ABCA2: variants seen among roughly 807,000 people sequenced by gnomAD.
ABCA2 encodes the protein ATP binding cassette subfamily A member 2.
ABCA2 carries 84 observed loss-of-function variants against 262.8 expected under a neutral mutation model. The ratio of observed to expected loss-of-function variants is 0.32; its 90% CI spans 0.27 to 0.38. The LOEUF (loss-of-function observed/expected upper bound fraction) is 0.38. Among genes scored for constraint, ABCA2 ranks in the 10% least tolerant of loss-of-function variants. The pLI, the probability that ABCA2 is intolerant of heterozygous loss-of-function variation, is 1.00. For synonymous variants in ABCA2, 1,696 were observed against 1,502.9 expected (o/e 1.13, Z -2.97); for missense variants, 2,662 against 3,405.9 (o/e 0.78, Z 5.44).
At position 137,020,989 on chromosome 9, in the gene ABCA2, G is replaced by A. The variant is rs884750; in HGVS notation, c.970C>T (p.Leu324=). 1 of 1,525,812 alleles carries A rather than the reference G, an allele frequency of 6.6e-7. No homozygotes were observed. Among genetic ancestry groups the A allele is most frequent in the Non-Finnish European group, 8.8e-7 (1 of 1,135,540 alleles). 94.5% of individuals were successfully genotyped at this position (1,525,812 alleles called of 1,614,324 possible). Residue 324 remains leucine, a synonymous_variant, in exon 9 of 49, where the codon CTG becomes TTG. Coordinates refer to ENST00000341511, the MANE Select transcript of ABCA2 (RefSeq NM_001606.5). ...APPPRRLQAL[L]GDLLDAQKVL... is the part of the protein sequence containing the mutation. Reference sequence around the variant, plus strand: ...TTCTGGGCATCCAGCAGGTCCCCCAGAAGCGCCTGCAGCCTCCGTGGGGGT... The same window carrying A: ...TTCTGGGCATCCAGCAGGTCCCCCAAAAGCGCCTGCAGCCTCCGTGGGGGT...
chr9:137,008,587 G>C lies in ABCA2; in HGVS notation c.7104C>G (p.Asn2368Lys). The C allele has an allele frequency of 6.2e-7, 1 of 1,608,928 alleles. No homozygotes were observed. The highest frequency in any genetic ancestry group is 8.5e-7 in the Non-Finnish European group (1 of 1,178,394). ...GCGGCTCCGTCTCCTGCTGCTCCAG[G>C]TTGTCACTCTGCTTCTTGGCAAAGT... Reference protein sequence around the residue: ...FVNFAKKQSDNLEQQETEPPS... With the variant: ...FVNFAKKQSDKLEQQETEPPS... The change falls in exon 48 of 49, where the codon AAC becomes AAG. Residue 2368 changes from asparagine to lysine, a missense_variant. This residue lies in a region of ABCA2 where 212 missense variants were observed against 214.4 expected (regional missense o/e 0.99). Transcript: ENST00000341511.
chr9:137,024,868 A>G (rs1831599408), intron 1 of ABCA2, among the ~76,000 whole-genome samples: 1 of 146,032 alleles, frequency 6.8e-6, no homozygotes, highest in Non-Finnish European at 1.5e-5. Context: ...GTGCGATCTC[A>G]GCTCACTGCA....
At position 137,014,052 on chromosome 9, in the gene ABCA2, T is replaced by G. The variant is rs1831165327; in HGVS notation, c.4241-14A>C. The G allele has an allele frequency of 1.2e-6, 2 of 1,608,484 alleles. No individual in the cohort carries two copies. Among genetic ancestry groups the G allele is most frequent in the Non-Finnish European group, 1.7e-6 (2 of 1,179,206 alleles). On this transcript the variant is annotated splice_polypyrimidine_tract_variant and intron_variant, in intron 27 of 48. Coordinates refer to ENST00000341511, the MANE Select transcript of ABCA2 (RefSeq NM_001606.5). ...CTGCCTCCACCTCTGTGCAGAGAGG[T>G]AGAGGCTGAGCAGGTGGTTGCACGC... is the stretch of plus-strand genomic sequence containing the variant.
At chr9:137,012,419 C>A in intron 32 of ABCA2, 43 bp from the exon 33 acceptor site, 1 of 1,608,928 alleles carries the variant, frequency 6.2e-7, no homozygotes. Flanking sequence ...GGACCTCAGA[C>A]CTGGGTCCCT....
intron 30 of ABCA2, 28 bp downstream of exon 30, chr9:137,012,974 C>G: frequency 6.8e-7 from 1 of 1,480,496 alleles, no homozygotes; most frequent in Non-Finnish European, 9.0e-7. Flanking sequence ...CTGCCCCTGC[C>G]CCCCCAGCAG....
At position 137,016,087 on chromosome 9, in the gene ABCA2, G is replaced by A; in HGVS notation, c.3192C>T (p.Arg1064=). The A allele has an allele frequency of 6.2e-7, 1 of 1,612,856 alleles. No homozygotes were observed. The highest frequency in any genetic ancestry group is 2.2e-5 in the East Asian group (1 of 44,872). The change falls in exon 22 of 49, where the codon CGC becomes CGT. Residue 1064 remains arginine (R), a synonymous_variant. Coordinates refer to ENST00000341511, the MANE Select transcript of ABCA2 (RefSeq NM_001606.5). ...HDIRTEMDEI[R]KNLGMCPQHN... ...GCTGCGGGCACATGCCCAGGTTCTT[G>A]CGGATCTCATCCATCTCCGTGCGGA... is the stretch of plus-strand genomic sequence containing the variant.
intron 16 of ABCA2, 33 bp from the exon 17 acceptor site, chr9:137,017,725 C>CGGG: frequency 6.2e-7 from 1 of 1,609,024 alleles, no homozygotes; most frequent in Non-Finnish European, 8.5e-7. Context: ...GGGCAGGCCC[C>CGGG]GGGGAGGACG....
chr9:137,020,001 A>G (rs1299828023), intron 10 of ABCA2: 1 of 297,016 alleles, frequency 3.4e-6, no homozygotes, highest in African/African-American at 2.2e-5. Context: ...CCCCTCACCC[A>G]GAACCCAAAC....
upstream of ABCA2, chr9:137,028,817 G>T (rs1024192930): frequency 9.2e-6 from 12 of 1,299,764 alleles, no homozygotes; most frequent in African/African-American, 1.9e-4. The surrounding 1 kb of genome is among the most constrained non-coding windows in gnomAD (Gnocchi z 6.9). Flanking sequence ...GCCGTGAGCG[G>T]AGCAGGCAGG....
Position 137,021,894 on chromosome 9 carries a change from C to T in ABCA2, c.675G>A (p.Met225Ile), listed in dbSNP as rs1012054650. The change falls in exon 7 of 49, where the codon ATG (methionine) becomes ATA (isoleucine). Residue 225 changes from methionine (M) to isoleucine (I), a missense_variant. This residue lies in a region of ABCA2 where 403 missense variants were observed against 375.9 expected (regional missense o/e 1.07). Coordinates refer to ENST00000341511, the MANE Select transcript of ABCA2 (RefSeq NM_001606.5). This position sits in a 1 kb window ranked among gnomAD's most constrained non-coding sequence, Gnocchi z 6.0. The stretch of plus-strand genomic sequence containing the variant: ...TCCCACACATGGATGCCCTCACCTC[C>T]ATCCGGAACAGGGGATTGCCCCCTA... ...SRLGGNPLFR[M>I]EELLLAPALL... The T allele has an allele frequency of 6.3e-7, 1 of 1,593,810 alleles. No individual in the cohort carries two copies. Among genetic ancestry groups the T allele is most frequent in the African/African-American group, 1.3e-5 (1 of 74,688 alleles).
chr9:137,010,488 C>A (rs769477175), intron 40 of ABCA2, 117 bp from the exon 41 acceptor site: 4 of 1,455,624 alleles, frequency 2.7e-6, no homozygotes, highest in Non-Finnish European at 3.7e-6. Context: ...GCCCCACAGC[C>A]CCACCCCATG....
chr9:137,020,150 C>T, intron 10 of ABCA2, 186 bp downstream of exon 10: 2 of 741,398 alleles, frequency 2.7e-6, no homozygotes, highest in South Asian at 1.8e-5. Context: ...ACAGCAGCCC[C>T]TGGAGCTCCC....
At position 137,011,615 on chromosome 9, in the gene ABCA2, C is replaced by G. The variant is rs753700427; in HGVS notation, c.5651+19G>C. On this transcript the variant is annotated intron_variant, in intron 36 of 48. Transcript: ENST00000341511. This position sits in a 1 kb window ranked among gnomAD's most constrained non-coding sequence, Gnocchi z 8.8. ...CCCCGGTCCCACCTGAGGCCGCTCC[C>G]CCCTCCGCTTCCGCTTACCCATAGA... 6 of 1,553,172 alleles carry G rather than the reference C, an allele frequency of 3.9e-6. No homozygotes were observed. The South Asian group carries it at 7.1e-5, about 18-fold the overall frequency.
At chr9:137,023,266 C>T (rs1216398015) in intron 3 of ABCA2, 7 of 633,240 alleles carry the variant, frequency 1.1e-5, no homozygotes, top group African/African-American at 3.6e-5. Context: ...GGTCAGAGGT[C>T]AAAGAGCCAC....
upstream of ABCA2, chr9:137,028,384 C>T (rs1831736631): frequency 1.6e-6 from 1 of 631,014 alleles, no homozygotes; most frequent in Non-Finnish European, 2.0e-6. This position sits in a 1 kb window ranked among gnomAD's most constrained non-coding sequence, Gnocchi z 6.9. Flanking sequence ...GCCCGCCGCC[C>T]GCGCCGCGCC....
chr9:137,010,088 G>A lies in ABCA2; in HGVS notation c.6390C>T (p.Leu2130=), dbSNP rs1449582375. The part of the protein sequence containing the change: ...LKELLQVQQS[L]GYCPQCDALF... Reference sequence around the variant, plus strand: ...GCGCGTCACACTGCGGGCAGTAGCCGAGGCTCTGCTGCACCTGGAGCAGCT... The same window carrying A: ...GCGCGTCACACTGCGGGCAGTAGCCAAGGCTCTGCTGCACCTGGAGCAGCT... Residue 2130 remains leucine (L), a synonymous_variant, in exon 42 of 49, where the codon CTC becomes CTT. Transcript: ENST00000341511. The A allele has an allele frequency of 5.6e-6, 9 of 1,598,486 alleles. No homozygotes were observed. Among genetic ancestry groups the A allele is most frequent in the Middle Eastern group, 3.3e-4 (2 of 6,080 alleles).
chr9:137,011,315 G>C lies in ABCA2; in HGVS notation c.5800-6C>G, dbSNP rs1831036320. On this transcript the variant is annotated splice_region_variant and splice_polypyrimidine_tract_variant and intron_variant, in intron 37 of 48. Coordinates refer to ENST00000341511, the MANE Select transcript of ABCA2 (RefSeq NM_001606.5). The surrounding 1 kb of genome is among the most constrained non-coding windows in gnomAD (Gnocchi z 8.8). Reference sequence around the variant, plus strand: ...CTGTTGACAACCTTCAGGTCCTGCGGGGTGGCCGGGGTCAGGGGCACAGGG... The same window carrying C: ...CTGTTGACAACCTTCAGGTCCTGCGCGGTGGCCGGGGTCAGGGGCACAGGG... 3.7e-6 allele frequency: 6 copies of C among 1,609,048 alleles called. No individual in the cohort carries two copies. The highest frequency in any genetic ancestry group is 5.1e-6 in the Non-Finnish European group (6 of 1,177,460).
intron 47 of ABCA2, 21 bp from the exon 48 acceptor site, chr9:137,008,643 G>T: frequency 1.3e-6 from 2 of 1,590,422 alleles, no homozygotes; most frequent in Non-Finnish European, 1.7e-6. Flanking sequence ...GCGCAGGCGT[G>T]TGGGGAGGGG....
intron 3 of ABCA2, 104 bp from the exon 4 acceptor site, chr9:137,023,156 GAA>G (rs1831538931): frequency 4.3e-6 from 4 of 927,226 alleles, no homozygotes; most frequent in African/African-American, 1.6e-5. Context: ...GAAATTTAGA[GAA>G]AGTCAGGAAG....
Sources: allele counts gnomAD v4.1 joint callset (sites outside exome capture counted in the v4.1 genomes callset), GRCh38; gene constraint gnomAD v4.1.1; regional missense constraint gnomAD v4.1.1; non-coding constraint Gnocchi (gnomAD v3.1); transcripts MANE v1.5; gene names NCBI Gene and HGNC (gene_info 2026-07-23, HGNC 2026-07-21).